ERC2: variants seen among roughly 807,000 people sequenced by gnomAD.
ERC2 encodes ELKS/RAB6-interacting/CAST family member 2.
A neutral mutation model predicts 114.8 loss-of-function variants in ERC2; 42 were observed. The observed-to-expected ratio is 0.37, with a 90% CI of 0.29 to 0.47. ERC2 has a LOEUF of 0.47. Among genes scored for constraint, ERC2 ranks in the 20% least tolerant of loss-of-function variants. ERC2 has a pLI of 0.99. For synonymous variants in ERC2, 454 were observed against 425.5 expected (o/e 1.07, Z -0.82); for missense variants, 939 against 1,150.7 (o/e 0.82, Z 2.66).
intron 3 of ERC2, among the ~76,000 whole-genome samples, chr3:56,259,165 T>C (rs1191405204): frequency 2.0e-5 from 3 of 151,632 alleles, no homozygotes; most frequent in Non-Finnish European, 4.4e-5. Flanking sequence ...AGAGACGGGG[T>C]TTCTCCATGT....
intron 17 of ERC2, among the ~76,000 whole-genome samples, chr3:55,618,668 A>G (rs949415878): frequency 6.6e-6 from 1 of 152,164 alleles, no homozygotes; most frequent in African/African-American, 2.4e-5. Flanking sequence ...TACATAGTTC[A>G]CCAAAATGTT....
chr3:56,304,591 T>A (rs1030888848), intron 2 of ERC2, among the ~76,000 whole-genome samples: 10 of 152,124 alleles, frequency 6.6e-5, no homozygotes, highest in African/African-American at 2.4e-4. Context: ...TACCTTCTAG[T>A]CCAAACTTCA....
At chr3:56,046,942 G>T (rs754122030) in intron 7 of ERC2, among the ~76,000 whole-genome samples, 2 of 152,150 alleles carry the variant, frequency 1.3e-5, no homozygotes, top group Non-Finnish European at 2.9e-5. Context: ...AATGATGCAG[G>T]CCCCAGATTC....
At chr3:55,817,144 C>T (rs574508168) in intron 14 of ERC2, among the ~76,000 whole-genome samples, 8 of 152,336 alleles carry the variant, frequency 5.3e-5, no homozygotes, top group African/African-American at 1.2e-4. Context: ...GCACCATTCA[C>T]GCAATAACTC....
At chr3:55,935,813 A>G (rs2066407025) in intron 13 of ERC2, among the ~76,000 whole-genome samples, 1 of 152,172 alleles carries the variant, frequency 6.6e-6, no homozygotes, top group Non-Finnish European at 1.5e-5. Flanking sequence ...CATTCCAAGC[A>G]GCTTCTAATG....
intron 6 of ERC2, among the ~76,000 whole-genome samples, chr3:56,089,979 C>T (rs1286989366): frequency 3.3e-5 from 5 of 152,104 alleles, no homozygotes; most frequent in Non-Finnish European, 2.9e-5. Context: ...AGGAGTACTG[C>T]CTTCTTCCCT....
chr3:55,768,617 G>T (rs2067982841), intron 14 of ERC2, among the ~76,000 whole-genome samples: 1 of 152,192 alleles, frequency 6.6e-6, no homozygotes, highest in Admixed American at 6.5e-5. Flanking sequence ...AGCCCTGAGG[G>T]ATGGAGGACA....
intron 2 of ERC2, among the ~76,000 whole-genome samples, chr3:56,429,162 C>T (rs1021964905): frequency 6.6e-5 from 10 of 152,046 alleles, no homozygotes; most frequent in African/African-American, 1.2e-4. Flanking sequence ...CTTTGATCTC[C>T]GTAACACAAT....
chr3:55,924,902 T>G lies in ERC2; in HGVS notation c.2403+25523A>C, dbSNP rs927591892. 2.6e-5 allele frequency among the ~76,000 whole-genome samples: 4 copies of G among 152,154 alleles called. No homozygotes were observed. The East Asian group carries it at 7.7e-4, about 29-fold the overall frequency. ...ATTCCCTGTGTGAGCTTGATCTGAC[T>G]AGGGGCCAGTTTGGTTATAGTATGC... On this transcript the variant is annotated intron_variant, in intron 13 of 17. Transcript: ENST00000288221.
intron 14 of ERC2, among the ~76,000 whole-genome samples, chr3:55,765,079 A>G (rs145103266): frequency 6.6e-6 from 1 of 152,262 alleles, no homozygotes; most frequent in Non-Finnish European, 1.5e-5. Context: ...TTGTCTTCCA[A>G]TGTCAGAAAA....
intron 14 of ERC2, among the ~76,000 whole-genome samples, chr3:55,847,802 CTAT>C (rs776623689): frequency 5.9e-5 from 9 of 152,092 alleles, no homozygotes; most frequent in African/African-American, 1.4e-4. Flanking sequence ...TGAATTACTA[CTAT>C]TATTATTATT....
At chr3:56,151,642 A>C (rs2081417101) in intron 4 of ERC2, among the ~76,000 whole-genome samples, 1 of 152,176 alleles carries the variant, frequency 6.6e-6, no homozygotes, top group Admixed American at 6.5e-5. Flanking sequence ...AGTCCAAAGA[A>C]TTTAGAGGGA....
At chr3:55,808,495 T>C (rs1041719969) in intron 14 of ERC2, among the ~76,000 whole-genome samples, 3 of 151,698 alleles carry the variant, frequency 2.0e-5, no homozygotes, top group Admixed American at 6.6e-5. Context: ...TCTAAATCTC[T>C]AGACTATGAC....
rs577992108 is a variant in ERC2, at chr3:55,542,842, T to C, written c.*40-31566A>G. Reference sequence around the variant, plus strand: ...ATAGTCAAAACTTCTCTAAGCCTTCTAATGGATTCCATAGTGGCCAATACT... The same window carrying C: ...ATAGTCAAAACTTCTCTAAGCCTTCCAATGGATTCCATAGTGGCCAATACT... On this transcript the variant is annotated intron_variant, in intron 17 of 17. Transcript: ENST00000288221. Among the ~76,000 whole-genome samples the C allele has an allele frequency of 1.3e-3, 205 of 152,348 alleles. 1 individual carries two copies. Among genetic ancestry groups the C allele is most frequent in the African/African-American group, 4.7e-3 (197 of 41,578 alleles).
chr3:56,444,361 G>A (rs2107472093), intron 1 of ERC2, among the ~76,000 whole-genome samples: 1 of 152,118 alleles, frequency 6.6e-6, no homozygotes, highest in Non-Finnish European at 1.5e-5. Flanking sequence ...ACAAATAAAT[G>A]TTGCTGACAT....
At chr3:56,295,114 G>C (rs1288241862) in intron 3 of ERC2, among the ~76,000 whole-genome samples, 2 of 152,166 alleles carry the variant, frequency 1.3e-5, no homozygotes, top group East Asian at 3.8e-4. Flanking sequence ...CAGGTATACT[G>C]CCAAGAAATC....
intron 14 of ERC2, among the ~76,000 whole-genome samples, chr3:55,747,472 T>C (rs748053859): frequency 2.0e-5 from 3 of 152,228 alleles, no homozygotes; most frequent in Non-Finnish European, 4.4e-5. Flanking sequence ...GAAATTGCTT[T>C]TCTGGAAATA....
At chr3:55,752,878 G>A (rs1271461880) in intron 14 of ERC2, among the ~76,000 whole-genome samples, 1 of 152,220 alleles carries the variant, frequency 6.6e-6, no homozygotes, top group South Asian at 2.1e-4. Context: ...CAAGTGAGAA[G>A]TTGGCTGAAT....
chr3:56,278,841 T>C (rs1181347848), intron 3 of ERC2, among the ~76,000 whole-genome samples: 3 of 152,106 alleles, frequency 2.0e-5, no homozygotes, highest in Non-Finnish European at 4.4e-5. Context: ...TGGGAACTAA[T>C]AGAGTGAGAA....
Sources: gnomAD v4.1 joint callset for allele counts (sites outside exome capture counted in the v4.1 genomes callset) on GRCh38, gnomAD v4.1.1 for gene constraint, MANE v1.5 for transcripts, NCBI Gene and HGNC (gene_info 2026-07-23, HGNC 2026-07-21) for gene names.